DNAAF4: variants seen among roughly 807,000 people sequenced by gnomAD.
DNAAF4 encodes dynein assembly factor 4, axonemal.
A neutral mutation model predicts 51.8 loss-of-function variants in DNAAF4; 43 were observed. The observed-to-expected ratio is 0.83, with a 90% CI of 0.65 to 1.07. The LOEUF (loss-of-function observed/expected upper bound fraction) is 1.07, where lower values mean the gene tolerates loss of function less well. DNAAF4 is among the 50% of genes least tolerant of loss of function. DNAAF4 has a pLI of 0.00. For missense variants in DNAAF4, 581 were observed against 493.0 expected, an observed-to-expected ratio of 1.18 and a Z score of -1.69; for synonymous variants, 194 against 165.6, an observed-to-expected ratio of 1.17 and a Z score of -1.32.
chr15:55,426,482 G>A (rs571518325), downstream of DNAAF4, among the ~76,000 whole-genome samples: 4 of 152,162 alleles, frequency 2.6e-5, no homozygotes, highest in African/African-American at 9.7e-5. Flanking sequence ...CAGCTTAAAG[G>A]TTAGAACCAA....
At chr15:55,471,762 C>T (rs1387532022) in intron 4 of DNAAF4, among the ~76,000 whole-genome samples, 1 of 152,182 alleles carries the variant, frequency 6.6e-6, no homozygotes, top group Non-Finnish European at 1.5e-5. Context: ...ATCTGCCCGC[C>T]TCGGCCTCCC....
chr15:55,429,703 T>C (rs1200668558), downstream of DNAAF4, among the ~76,000 whole-genome samples: 7 of 148,954 alleles, frequency 4.7e-5, no homozygotes, highest in Admixed American at 6.7e-5. Context: ...TGTAGTCCCA[T>C]CTACTCGGGA....
chr15:55,439,761 C>T (rs1396758020), intron 6 of DNAAF4, among the ~76,000 whole-genome samples, 180 bp from the exon 7 acceptor site: 2 of 152,160 alleles, frequency 1.3e-5, no homozygotes, highest in Non-Finnish European at 2.9e-5. Context: ...CAATGTGAAT[C>T]GGTATTTGGT....
chr15:55,454,795 A>T (rs1331561548), intron 5 of DNAAF4, among the ~76,000 whole-genome samples: 1 of 152,210 alleles, frequency 6.6e-6, no homozygotes, highest in African/African-American at 2.4e-5. Flanking sequence ...ATAAATAAAT[A>T]TAAAATTGAA....
intron 1 of DNAAF4, among the ~76,000 whole-genome samples, chr15:55,507,709 G>A (rs1349462644): frequency 3.3e-5 from 5 of 152,068 alleles, no homozygotes; most frequent in South Asian, 2.1e-4. Context: ...ACGAAGGCCC[G>A]GGATGCACAT....
At chr15:55,454,762 G>A (rs970083499) in intron 5 of DNAAF4, among the ~76,000 whole-genome samples, 1 of 152,050 alleles carries the variant, frequency 6.6e-6, no homozygotes, top group African/African-American at 2.4e-5. Context: ...GTGACAGTAT[G>A]CTCCAAGTTA....
chr15:55,463,136 T>G (rs1220370375), intron 5 of DNAAF4, among the ~76,000 whole-genome samples: 1 of 149,506 alleles, frequency 6.7e-6, no homozygotes, highest in South Asian at 2.1e-4. Context: ...ATCATGCCAC[T>G]GCACTCCAGC....
chr15:55,461,642 C>T (rs2058095994), intron 5 of DNAAF4, among the ~76,000 whole-genome samples: 1 of 152,052 alleles, frequency 6.6e-6, no homozygotes, highest in Non-Finnish European at 1.5e-5. Context: ...AAAAGCAGTG[C>T]TAAGAGGAAA....
intron 4 of DNAAF4, among the ~76,000 whole-genome samples, chr15:55,487,099 T>C (rs921763757): frequency 2.9e-4 from 44 of 152,318 alleles, no homozygotes; most frequent in African/African-American, 1.0e-3. Flanking sequence ...TAGTGAGAGG[T>C]GAAGCCAGCT....
At chr15:55,455,799 T>C (rs755526265) in intron 5 of DNAAF4, among the ~76,000 whole-genome samples, 70 of 152,054 alleles carry the variant, frequency 4.6e-4, no homozygotes, top group Non-Finnish European at 9.0e-4. Context: ...CTGGTGGAAA[T>C]AGCACAGGTT....
chr15:55,494,784 G>C (rs1025861674), intron 3 of DNAAF4, among the ~76,000 whole-genome samples: 2 of 152,026 alleles, frequency 1.3e-5, no homozygotes, highest in African/African-American at 4.8e-5. Flanking sequence ...GGCCAAATCC[G>C]ACCTGCCACC....
At chr15:55,498,613 A>G (rs2058672226) in intron 1 of DNAAF4, 29 bp from the exon 2 acceptor site, 1 of 275,390 alleles carries the variant, frequency 3.6e-6, no homozygotes, top group South Asian at 9.4e-5. Context: ...AAAAAAAAAA[A>G]GCACTCTGTG....
At chr15:55,433,633 A>AG (rs2057534294) in intron 8 of DNAAF4, among the ~76,000 whole-genome samples, 1 of 145,564 alleles carries the variant, frequency 6.9e-6, no homozygotes, top group African/African-American at 2.5e-5. Context: ...CTCAAAAAAA[A>AG]AAAAAAAAAA....
intron 2 of DNAAF4, 49 bp downstream of exon 2, chr15:55,498,158 G>A (rs1443674311): frequency 6.2e-7 from 1 of 1,613,074 alleles, no homozygotes; most frequent in Admixed American, 1.7e-5. Flanking sequence ...TCTTGCAGAA[G>A]CTTCGGACCA....
chr15:55,497,674 G>A (rs747649357), intron 3 of DNAAF4, 38 bp downstream of exon 3: 1 of 1,579,332 alleles, frequency 6.3e-7, no homozygotes, highest in Non-Finnish European at 8.6e-7. Context: ...AAACCGAAAA[G>A]GTACAACCAG....
At chr15:55,428,224 G>C (rs988642468), downstream of DNAAF4, among the ~76,000 whole-genome samples, 3 of 152,160 alleles carry the variant, frequency 2.0e-5, no homozygotes, top group African/African-American at 7.2e-5. Flanking sequence ...AAAGTGCTGG[G>C]ATTATGGGCA....
chr15:55,421,976 C>G (rs1595883397), intron 7 of DNAAF4, among the ~76,000 whole-genome samples: 1 of 150,066 alleles, frequency 6.7e-6, no homozygotes, highest in Non-Finnish European at 1.5e-5. Flanking sequence ...GCACTAGAAG[C>G]TAGTCCTAAT....
chr15:55,498,234 G>A lies in DNAAF4; in HGVS notation c.96C>T (p.Asp32=). The A allele has an allele frequency of 1.2e-6, 2 of 1,613,992 alleles. No homozygotes were observed. Among genetic ancestry groups the A allele is most frequent in the East Asian group, 2.2e-5 (1 of 44,866 alleles). The change falls in exon 2 of 10, where the codon GAC becomes GAT. Residue 32 remains aspartate, a synonymous_variant. Transcript: ENST00000321149. ...PLKGVCVRDT[D]VFCTENYLKV... ...TCAGATAGTTTTCCGTGCAGAACAC[G>A]TCCGTGTCTCTGACGCACACGCCTT...
chr15:55,498,463 C>T lies in DNAAF4; in HGVS notation c.-134G>A. 1.4e-6 allele frequency: 2 copies of T among 1,379,498 alleles called. No homozygotes were observed. Among genetic ancestry groups the T allele is most frequent in the South Asian group, 3.0e-5 (2 of 66,756 alleles). The allele number at this position is 1,379,498 out of a possible 1,614,324, so 85.5% of individuals were successfully genotyped here. On this transcript the variant is annotated 5_prime_UTR_variant, in exon 2 of 10. Transcript: ENST00000321149. The stretch of plus-strand genomic sequence containing the variant: ...GGAGCCCGGCGTTCCCAGCGTGCTC[C>T]GGCGCCAGCACCTCGCGGACTCCAT...
Sources: gnomAD v4.1 joint callset for allele counts (sites outside exome capture counted in the v4.1 genomes callset) on GRCh38, gnomAD v4.1.1 for gene constraint, MANE v1.5 for transcripts, NCBI Gene and HGNC (gene_info 2026-07-23, HGNC 2026-07-21) for gene names.